Variants in TMTC1 observed in about 807,000 individuals in gnomAD.
TMTC1 encodes the protein protein O-mannosyl-transferase TMTC1.
A neutral mutation model predicts 104.8 loss-of-function variants in TMTC1; 73 were observed. The observed-to-expected ratio is 0.70, with a 90% CI of 0.58 to 0.85. The LOEUF (loss-of-function observed/expected upper bound fraction) is 0.85, where lower values mean the gene tolerates loss of function less well. Ranked by LOEUF, TMTC1 falls within the 40% of genes least tolerant of loss-of-function variation. The pLI, the probability that TMTC1 is intolerant of heterozygous loss-of-function variation, is 0.00. For missense variants in TMTC1, 1,035 were observed against 1,096.1 expected, an observed-to-expected ratio of 0.94 and a Z score of 0.79; for synonymous variants, 434 against 428.7, an observed-to-expected ratio of 1.01 and a Z score of -0.15.
chr12:29,515,660 T>C (rs191988599), intron 15 of TMTC1, among the ~76,000 whole-genome samples: 12 of 152,308 alleles, frequency 7.9e-5, no homozygotes, highest in Admixed American at 7.8e-4. Flanking sequence ...CTTCATGATA[T>C]TCCTGGGCAC....
chr12:29,655,340 G>C (rs1939708841), intron 5 of TMTC1, among the ~76,000 whole-genome samples: 1 of 152,132 alleles, frequency 6.6e-6, no homozygotes, highest in Non-Finnish European at 1.5e-5. Flanking sequence ...CAATGAATGG[G>C]AATGAGATTG....
At chr12:29,643,346 T>C (rs1245549861) in intron 5 of TMTC1, among the ~76,000 whole-genome samples, 1 of 137,496 alleles carries the variant, frequency 7.3e-6, no homozygotes, top group East Asian at 2.1e-4. Context: ...TGCACATGCA[T>C]GTTTATAGCA....
chr12:29,776,141 C>A (rs573185755), intron 1 of TMTC1, among the ~76,000 whole-genome samples: 1 of 152,254 alleles, frequency 6.6e-6, no homozygotes, highest in East Asian at 1.9e-4. Flanking sequence ...GTAGTGAGAA[C>A]CCCCTATAAT....
intron 5 of TMTC1, among the ~76,000 whole-genome samples, chr12:29,737,801 A>C (rs946761134): frequency 6.6e-6 from 1 of 152,200 alleles, no homozygotes; most frequent in Non-Finnish European, 1.5e-5. Flanking sequence ...TGCTTTCCAC[A>C]TGTAGGAAGA....
At chr12:29,620,447 T>C (rs937246877) in intron 6 of TMTC1, among the ~76,000 whole-genome samples, 10 of 152,196 alleles carry the variant, frequency 6.6e-5, no homozygotes, top group Non-Finnish European at 5.9e-5. Context: ...TGGTGGTAAA[T>C]TTAAAGTGAA....
At chr12:29,523,731 T>C (rs1944252023) in intron 11 of TMTC1, among the ~76,000 whole-genome samples, 1 of 152,086 alleles carries the variant, frequency 6.6e-6, no homozygotes, top group South Asian at 2.1e-4. Flanking sequence ...TGAAAGAGAG[T>C]ACAGGGGACC....
Position 29,691,609 on chromosome 12 carries a change from G to A in TMTC1, c.939-58273C>T, listed in dbSNP as rs1281234749. 3.6e-5 allele frequency among the ~76,000 whole-genome samples: 5 copies of A among 140,336 alleles called. 1 individual carries two copies. Among genetic ancestry groups the A allele is most frequent in the Non-Finnish European group, 7.7e-5 (5 of 65,294 alleles). 92.1% of individuals were successfully genotyped at this position (140,336 alleles called of 152,430 possible). On this transcript the variant is annotated intron_variant, in intron 5 of 17. Coordinates refer to ENST00000539277, the MANE Select transcript of TMTC1 (RefSeq NM_001193451.2). ...ACCATTACCGGAAGCCAAAACTGAG[G>A]AAACAATTCTCAATCACTCAGATCT...
At chr12:29,586,168 T>C (rs1379286417) in intron 7 of TMTC1, among the ~76,000 whole-genome samples, 2 of 152,194 alleles carry the variant, frequency 1.3e-5, no homozygotes, top group Non-Finnish European at 2.9e-5. Context: ...CCTTGTAAGT[T>C]GGATTCCTAG....
chr12:29,706,130 CG>C (rs1010335758), intron 5 of TMTC1, among the ~76,000 whole-genome samples: 1 of 152,054 alleles, frequency 6.6e-6, no homozygotes, highest in African/African-American at 2.4e-5. Flanking sequence ...AAGGGATGCA[CG>C]GAATTTTACC....
chr12:29,619,104 T>C (rs1057059749), intron 6 of TMTC1, among the ~76,000 whole-genome samples: 2 of 152,142 alleles, frequency 1.3e-5, no homozygotes, highest in African/African-American at 4.8e-5. Flanking sequence ...AAGCTGTTAG[T>C]GATGTCTGAT....
intron 17 of TMTC1, among the ~76,000 whole-genome samples, chr12:29,511,458 G>A (rs536338557): frequency 2.6e-5 from 4 of 152,186 alleles, no homozygotes; most frequent in Admixed American, 2.0e-4. Context: ...ATGAATGATG[G>A]CGAATCGTTC....
At chr12:29,660,863 T>C in intron 5 of TMTC1, 1 of 1,507,422 alleles carries the variant, frequency 6.6e-7, no homozygotes. Context: ...AGGAAATTTC[T>C]ATTGCTGCTT....
intron 5 of TMTC1, among the ~76,000 whole-genome samples, chr12:29,662,696 C>T (rs1940091226): frequency 6.7e-6 from 1 of 149,172 alleles, no homozygotes; most frequent in African/African-American, 2.5e-5. Flanking sequence ...AAGAGGATTG[C>T]TTACAAAACA....
At chr12:29,511,255 A>ACTC (rs1266301822) in intron 17 of TMTC1, among the ~76,000 whole-genome samples, 3 of 148,052 alleles carry the variant, frequency 2.0e-5, no homozygotes, top group Non-Finnish European at 4.4e-5. Context: ...TAATATATCA[A>ACTC]CTCCTCCTCC....
chr12:29,605,571 T>TAA (rs34353381), intron 6 of TMTC1, among the ~76,000 whole-genome samples: 1,945 of 101,820 alleles, frequency 0.019, 41 homozygotes, highest in African/African-American at 0.058. Flanking sequence ...CCAAAAAGGG[T>TAA]AAAAAAAAAA....
At chr12:29,604,432 G>A (rs1013473978) in intron 6 of TMTC1, 133 bp from the exon 7 acceptor site, 12 of 1,238,732 alleles carry the variant, frequency 9.7e-6, no homozygotes, top group Admixed American at 4.7e-5. Context: ...CCTTTTGACC[G>A]GCGTGCTGAA....
rs558388416 is a variant in TMTC1 at position 29,696,023 on chromosome 12, C to T, written c.938+55643G>A. ...CTTGATGGATGGCAGTTATTTTCCA[C>T]GACTCCTATTACCTTCCAGTGGTGT... On this transcript the variant is annotated intron_variant, in intron 5 of 17. Coordinates refer to ENST00000539277, the MANE Select transcript of TMTC1 (RefSeq NM_001193451.2). 1.5e-4 allele frequency among the ~76,000 whole-genome samples: 23 copies of T among 151,888 alleles called. No individual in the cohort carries two copies. The South Asian group carries it at 3.7e-3, about 25-fold the overall frequency.
At chr12:29,654,318 A>G (rs1939655153) in intron 5 of TMTC1, among the ~76,000 whole-genome samples, 1 of 152,226 alleles carries the variant, frequency 6.6e-6, no homozygotes, top group South Asian at 2.1e-4. Flanking sequence ...AGAAGACAGC[A>G]AAAGAGTCAG....
At position 29,686,684 on chromosome 12, in the gene TMTC1, G is replaced by T. The variant is rs112514536; in HGVS notation, c.939-53348C>A. Among the ~76,000 whole-genome samples, 18 of 150,100 alleles carry T rather than the reference G, an allele frequency of 1.2e-4. 2 individuals carry two copies. Among genetic ancestry groups the T allele is most frequent in the African/African-American group, 4.6e-4 (18 of 39,494 alleles). On this transcript the variant is annotated intron_variant, in intron 5 of 17. Coordinates refer to ENST00000539277, the MANE Select transcript of TMTC1 (RefSeq NM_001193451.2). The stretch of plus-strand genomic sequence containing the variant: ...TCCCACATCAAGCTATCTCACCCTG[G>T]ACTGGGCTTTTCTCAATTTCAACTC...
Sources: gnomAD v4.1 joint callset for allele counts (sites outside exome capture counted in the v4.1 genomes callset) on GRCh38, gnomAD v4.1.1 for gene constraint, MANE v1.5 for transcripts, NCBI Gene and HGNC (gene_info 2026-07-23, HGNC 2026-07-21) for gene names.